The following CRHR2 variants were observed in gnomAD, a reference collection of about 807,000 sequenced individuals.
CRHR2 encodes the protein corticotropin-releasing hormone receptor 2.
CRHR2 carries 53 observed loss-of-function variants against 57.9 expected under a neutral mutation model. That is an observed-to-expected ratio of 0.92 (90% CI 0.73 to 1.15). The LOEUF is 1.15. Among genes scored for constraint, CRHR2 ranks in the 50% most tolerant of loss-of-function variants. The probability of loss-of-function intolerance (pLI) is 0.00; values close to 1 mark genes in which losing one functional copy is unlikely to be tolerated. For missense variants in CRHR2, 532 were observed against 542.6 expected (o/e 0.98, Z 0.19); for synonymous variants, 213 against 220.9 (o/e 0.96, Z 0.32).
chr7:30,682,896 C>T (rs1393419026), upstream of CRHR2, among the ~76,000 whole-genome samples: 1 of 152,236 alleles, frequency 6.6e-6, no homozygotes, highest in Admixed American at 6.5e-5. Context: ...ATGGGCAGAT[C>T]TGCATCCTCC....
chr7:30,653,966 C>G lies in CRHR2; in HGVS notation c.1096-366G>C, dbSNP rs1783678616. Among the ~76,000 whole-genome samples, 1 of 152,096 alleles carries G rather than the reference C, an allele frequency of 6.6e-6. No homozygotes were observed. The highest frequency in any genetic ancestry group is 6.5e-5 in the Admixed American group (1 of 15,278). On this transcript the variant is annotated intron_variant, in intron 11 of 11. Coordinates refer to ENST00000471646, the MANE Select transcript of CRHR2 (RefSeq NM_001883.5). The surrounding 1 kb of genome is among the most constrained non-coding windows in gnomAD (Gnocchi z 5.0). Reference sequence around the variant, plus strand: ...CCCTCAGCCTTCTTGGGCCCCTGCTCCTTGCAGGGCGTTGGTGGTGTGCGC... The same window carrying G: ...CCCTCAGCCTTCTTGGGCCCCTGCTGCTTGCAGGGCGTTGGTGGTGTGCGC...
chr7:30,672,903 G>T (rs1183869107), intron 2 of CRHR2, among the ~76,000 whole-genome samples: 12 of 152,238 alleles, frequency 7.9e-5, no homozygotes, highest in Non-Finnish European at 8.8e-5. Flanking sequence ...CAACCATGAA[G>T]AGGCAGAAGA....
intron 6 of CRHR2, 70 bp downstream of exon 6, chr7:30,662,624 A>G: frequency 6.4e-7 from 1 of 1,561,746 alleles, no homozygotes. Flanking sequence ...CCTTGGACCC[A>G]AGACGAAGGG....
intron 2 of CRHR2, among the ~76,000 whole-genome samples, chr7:30,687,635 A>T (rs968293596): frequency 6.6e-6 from 1 of 152,126 alleles, no homozygotes; most frequent in African/African-American, 2.4e-5. Flanking sequence ...TTGCAAATGG[A>T]TGAATGCTGT....
chr7:30,678,564 C>A (rs575244627), intron 2 of CRHR2, among the ~76,000 whole-genome samples: 4 of 152,288 alleles, frequency 2.6e-5, no homozygotes, highest in Non-Finnish European at 5.9e-5. Context: ...TCTGACCCAG[C>A]CTCCCAAACT....
chr7:30,686,263 A>G, upstream of CRHR2: 1 of 1,305,598 alleles, frequency 7.7e-7, no homozygotes. Context: ...CTTTTTATTC[A>G]TTGTCTCATC....
In CRHR2 at chr7:30,654,525, G is replaced by A. The variant is rs753622489; in HGVS notation, c.1095+514C>T. On this transcript the variant is annotated intron_variant, in intron 11 of 11. Transcript: ENST00000471646. ...TCCACCCCAGCCCAGGTACGAGTGC[G>A]CTTCTTCCCTGCGTCAGCTGCACTG... 1.4e-4 allele frequency among the ~76,000 whole-genome samples: 21 copies of A among 152,204 alleles called. 1 individual carries two copies. The highest frequency in any genetic ancestry group is 1.5e-4 in the Non-Finnish European group (10 of 68,032).
chr7:30,653,468 C>A lies in CRHR2; in HGVS notation c.1228G>T (p.Ala410Ser), dbSNP rs765405966. The change falls in exon 12 of 12, where the codon GCT becomes TCT. Residue 410 changes from alanine (A) to serine (S), a missense_variant. Ala to Ser is a moderately conservative substitution (Grantham distance 99, BLOSUM62 1). Transcript: ENST00000471646. The surrounding 1 kb of genome is among the most constrained non-coding windows in gnomAD (Gnocchi z 5.0). ...ISFHSIKQTAAV is the reference protein window; with the variant it reads ...ISFHSIKQTASV ...GGTGGGCGACCGAGGGGTCACACAG[C>A]GGCCGTCTGCTTGATGCTGTGGAAG... 4 of 1,613,108 alleles carry A rather than the reference C, an allele frequency of 2.5e-6. No homozygotes were observed. Among genetic ancestry groups the A allele is most frequent in the East Asian group, 2.2e-5 (1 of 44,828 alleles).
At chr7:30,692,751 C>A (rs1033661573) in intron 1 of CRHR2, among the ~76,000 whole-genome samples, 1 of 152,190 alleles carries the variant, frequency 6.6e-6, no homozygotes, top group Non-Finnish European at 1.5e-5. Context: ...CAGAAGACAG[C>A]GGATTGAATC....
chr7:30,675,845 G>T (rs978820912), intron 2 of CRHR2, among the ~76,000 whole-genome samples: 1 of 152,206 alleles, frequency 6.6e-6, no homozygotes, highest in African/African-American at 2.4e-5. Flanking sequence ...TGGAAGGCAG[G>T]CTCAGGTCTT....
rs779506809 is a variant in CRHR2, at chr7:30,682,331, G to A, written c.-51C>T. 6.7e-7 allele frequency: 1 copy of A among 1,486,076 alleles called. No homozygotes were observed. Among genetic ancestry groups the A allele is most frequent in the Non-Finnish European group, 8.9e-7 (1 of 1,121,478 alleles). 92.1% of individuals were successfully genotyped at this position (1,486,076 alleles called of 1,614,324 possible). A position where few individuals can be genotyped will look rare whatever the true frequency, so the allele number is the denominator to read the frequency against. On this transcript the variant is annotated 5_prime_UTR_variant, in exon 1 of 12. Transcript: ENST00000471646. ...GGGAGTGGGAGTGCGCGCCCGGCGTGACTGCGAGGGAGTGGACGCGAGAGT... is the reference window on the plus strand; with the variant it reads ...GGGAGTGGGAGTGCGCGCCCGGCGTAACTGCGAGGGAGTGGACGCGAGAGT...
chr7:30,698,402 T>C (rs975070779), intron 1 of CRHR2, among the ~76,000 whole-genome samples: 5 of 152,068 alleles, frequency 3.3e-5, no homozygotes, highest in African/African-American at 9.7e-5. Context: ...GCTGGCAGCA[T>C]GGACCCCAGA....
intron 1 of CRHR2, among the ~76,000 whole-genome samples, chr7:30,699,259 C>T (rs543266654): frequency 6.6e-6 from 1 of 152,312 alleles, no homozygotes; most frequent in South Asian, 2.1e-4. Flanking sequence ...TTCTCCCCAC[C>T]TTCCATCGGT....
At chr7:30,667,767 C>G (rs2128143341) in intron 2 of CRHR2, among the ~76,000 whole-genome samples, 1 of 152,360 alleles carries the variant, frequency 6.6e-6, no homozygotes, top group East Asian at 1.9e-4. Context: ...GTACCACTTC[C>G]TCTTCTAACT....
Position 30,653,543 on chromosome 7 carries a change from C to T in CRHR2, c.1153G>A (p.Val385Ile). The T allele has an allele frequency of 1.2e-6, 2 of 1,613,420 alleles. No individual in the cohort carries two copies. Among genetic ancestry groups the T allele is most frequent in the Non-Finnish European group, 8.5e-7 (1 of 1,179,918 alleles). Residue 385 changes from valine to isoleucine, a missense_variant, in exon 12 of 12, where the codon GTC (valine) becomes ATC (isoleucine). By Grantham distance (29) the Val-to-Ile change is conservative. Coordinates refer to ENST00000471646, the MANE Select transcript of CRHR2 (RefSeq NM_001883.5). This position sits in a 1 kb window ranked among gnomAD's most constrained non-coding sequence, Gnocchi z 5.0. ...ATGGACATGGCCCGGGCCATGGGGACTCGAAGGGAGTGATGGTCCTGCCAG... is the reference window on the plus strand; with the variant it reads ...ATGGACATGGCCCGGGCCATGGGGATTCGAAGGGAGTGATGGTCCTGCCAG... The part of the protein sequence containing the change: ...HRWQDHHSLR[V>I]PMARAMSIPT...
intron 2 of CRHR2, among the ~76,000 whole-genome samples, chr7:30,680,546 A>G (rs1012578721): frequency 6.6e-6 from 1 of 152,174 alleles, no homozygotes; most frequent in Non-Finnish European, 1.5e-5. Flanking sequence ...CACACAGCTC[A>G]CGGAATCCTA....
intron 8 of CRHR2, among the ~76,000 whole-genome samples, chr7:30,660,182 C>A (rs981775478): frequency 6.6e-6 from 1 of 152,286 alleles, no homozygotes; most frequent in East Asian, 1.9e-4. Context: ...GAGAGGGTCA[C>A]TGGGGGCTGA....
intron 2 of CRHR2, among the ~76,000 whole-genome samples, chr7:30,668,061 G>C (rs1562799752): frequency 6.6e-6 from 1 of 152,244 alleles, no homozygotes; most frequent in Non-Finnish European, 1.5e-5. Context: ...GCTACCACGA[G>C]ATGTTTCTAA....
At chr7:30,659,702 G>C (rs1431816680) in intron 8 of CRHR2, among the ~76,000 whole-genome samples, 1 of 152,228 alleles carries the variant, frequency 6.6e-6, no homozygotes, top group South Asian at 2.1e-4. Flanking sequence ...ACAGAAAAAG[G>C]AGAGTAAGAA....
Sources: allele counts gnomAD v4.1 joint callset (sites outside exome capture counted in the v4.1 genomes callset), GRCh38; gene constraint gnomAD v4.1.1; non-coding constraint Gnocchi (gnomAD v3.1); transcripts MANE v1.5; gene names NCBI Gene and HGNC (gene_info 2026-07-23, HGNC 2026-07-21).